Variants in HTR7 observed in about 807,000 individuals in gnomAD.
HTR7 encodes the protein 5-HT-7.
Under a neutral mutation model 34.0 loss-of-function variants are expected in HTR7, and 16 were observed. The observed-to-expected ratio is 0.47, with a 90% CI of 0.32 to 0.71. The LOEUF (loss-of-function observed/expected upper bound fraction) is 0.71, where lower values mean the gene tolerates loss of function less well. HTR7 is among the 30% of genes least tolerant of loss of function. HTR7 has a pLI of 0.04. For missense variants in HTR7, 504 were observed against 625.5 expected (o/e 0.81, Z 2.07); for synonymous variants, 265 against 260.2 (o/e 1.02, Z -0.18).
At chr10:90,770,727 G>A (rs1170599196) in intron 1 of HTR7, among the ~76,000 whole-genome samples, 1 of 152,228 alleles carries the variant, frequency 6.6e-6, no homozygotes, top group African/African-American at 2.4e-5. Flanking sequence ...GGGTGCTGAG[G>A]GCAGCTCGGC....
chr10:90,845,936 C>T lies in HTR7; in HGVS notation c.539+11197G>A, dbSNP rs189057486. ...ATGCCACCCAAGATTCTGTGGCTGACCAGCACTTCAGACACATTGTTCTCT... is the reference window on the plus strand; with the variant it reads ...ATGCCACCCAAGATTCTGTGGCTGATCAGCACTTCAGACACATTGTTCTCT... On this transcript the variant is annotated intron_variant, in intron 1 of 3. Transcript: ENST00000336152. Among the ~76,000 whole-genome samples the T allele has an allele frequency of 1.6e-3, 250 of 152,254 alleles. 3 individuals carry two copies. In the South Asian group the frequency reaches 0.017, roughly 11 times the overall value.
intron 1 of HTR7, among the ~76,000 whole-genome samples, chr10:90,793,097 C>G (rs115621959): frequency 0.016 from 2,395 of 152,162 alleles, 77 homozygotes; most frequent in African/African-American, 0.054. Flanking sequence ...AGAAAACAAT[C>G]AAGAGGGTGC....
At chr10:90,750,067 T>C (rs1312452380) in intron 1 of HTR7, among the ~76,000 whole-genome samples, 3 of 152,236 alleles carry the variant, frequency 2.0e-5, no homozygotes, top group African/African-American at 7.2e-5. Context: ...TCATTTTAGC[T>C]TTCCCTTTGC....
intron 1 of HTR7, among the ~76,000 whole-genome samples, chr10:90,776,791 T>C (rs1845219722): frequency 6.6e-6 from 1 of 152,228 alleles, no homozygotes; most frequent in Non-Finnish European, 1.5e-5. Context: ...CTTAGATAAG[T>C]ATGGTATACA....
chr10:90,784,364 G>A (rs1845351316), intron 1 of HTR7, among the ~76,000 whole-genome samples: 1 of 152,116 alleles, frequency 6.6e-6, no homozygotes, highest in Non-Finnish European at 1.5e-5. Flanking sequence ...TCTTAGGCAA[G>A]CATCCCAGAG....
At chr10:90,803,721 A>ACTAC (rs1243805594) in intron 1 of HTR7, among the ~76,000 whole-genome samples, 1 of 152,174 alleles carries the variant, frequency 6.6e-6, no homozygotes, top group Non-Finnish European at 1.5e-5. Context: ...GTCATGTCTG[A>ACTAC]CTACCTACCT....
chr10:90,799,463 G>C (rs1197243080), intron 1 of HTR7, among the ~76,000 whole-genome samples: 1 of 152,076 alleles, frequency 6.6e-6, no homozygotes, highest in Non-Finnish European at 1.5e-5. Context: ...GCTGGGTGTC[G>C]GTATCTGTCT....
chr10:90,792,897 A>G (rs1036270399), intron 1 of HTR7, among the ~76,000 whole-genome samples: 15 of 148,596 alleles, frequency 1.0e-4, no homozygotes, highest in Admixed American at 2.0e-4. Flanking sequence ...AAAATTAACG[A>G]CAAAAAAAAT....
intron 1 of HTR7, among the ~76,000 whole-genome samples, chr10:90,854,016 G>C (rs1313997062): frequency 6.6e-6 from 1 of 152,208 alleles, no homozygotes; most frequent in Admixed American, 6.5e-5. Context: ...GGCCAAAGAA[G>C]GGTTTTAAAA....
intron 1 of HTR7, among the ~76,000 whole-genome samples, chr10:90,762,605 G>C (rs1393122242): frequency 6.6e-6 from 1 of 152,102 alleles, no homozygotes; most frequent in African/African-American, 2.4e-5. Context: ...GTTGTTAACT[G>C]TTTCCTTTTA....
chr10:90,745,171 C>A (rs1392935642), intron 2 of HTR7, among the ~76,000 whole-genome samples: 2 of 152,194 alleles, frequency 1.3e-5, no homozygotes, highest in Non-Finnish European at 2.9e-5. Flanking sequence ...ATAACAAAAT[C>A]CCATAAATTG....
In HTR7 at chr10:90,857,415, G is replaced by A; in HGVS notation, c.257C>T (p.Ser86Phe). 1.2e-6 allele frequency: 2 copies of A among 1,614,078 alleles called. No homozygotes were observed. The highest frequency in any genetic ancestry group is 1.1e-5 in the South Asian group (1 of 91,074). ...YGRVEKVVIG[S>F]ILTLITLLTI... ...CAGCAGCGTGATGAGCGTCAGGATG[G>A]AGCCGATCACAACTTTCTCGACTCT... is the stretch of plus-strand genomic sequence containing the variant. Residue 86 changes from serine to phenylalanine, a missense_variant, in exon 1 of 4, where the codon TCC (serine) becomes TTC (phenylalanine). Coordinates refer to ENST00000336152, the MANE Select transcript of HTR7 (RefSeq NM_019859.4). The surrounding 1 kb of genome is among the most constrained non-coding windows in gnomAD (Gnocchi z 6.5).
intron 1 of HTR7, among the ~76,000 whole-genome samples, chr10:90,854,679 T>C (rs1846552910): frequency 6.6e-6 from 1 of 152,194 alleles, no homozygotes; most frequent in South Asian, 2.1e-4. Flanking sequence ...AAAAACAGTA[T>C]GGCATTACAT....
intron 1 of HTR7, among the ~76,000 whole-genome samples, chr10:90,767,240 G>C (rs1195190942): frequency 6.6e-6 from 1 of 152,220 alleles, no homozygotes; most frequent in Non-Finnish European, 1.5e-5. Flanking sequence ...GAGCTCCCTG[G>C]TTAGGTGGGG....
chr10:90,771,612 A>G (rs1448057757), intron 1 of HTR7, among the ~76,000 whole-genome samples: 1 of 152,194 alleles, frequency 6.6e-6, no homozygotes, highest in Non-Finnish European at 1.5e-5. Flanking sequence ...CCTCCCAGAG[A>G]GCTGACGCCC....
At chr10:90,813,521 CAA>C (rs55804411) in intron 1 of HTR7, among the ~76,000 whole-genome samples, 15 of 131,350 alleles carry the variant, frequency 1.1e-4, no homozygotes, top group Non-Finnish European at 8.3e-5. Context: ...GACTCCGTGT[CAA>C]AAAAAAAAAA....
intron 1 of HTR7, among the ~76,000 whole-genome samples, chr10:90,779,771 C>A (rs1845276141): frequency 6.6e-6 from 1 of 152,160 alleles, no homozygotes; most frequent in African/African-American, 2.4e-5. Flanking sequence ...CACAAGGAGG[C>A]AGGGAAGTGC....
intron 1 of HTR7, among the ~76,000 whole-genome samples, chr10:90,855,816 G>C (rs893122209): frequency 2.6e-5 from 4 of 152,120 alleles, no homozygotes; most frequent in Admixed American, 6.5e-5. Context: ...ATATAAAATG[G>C]TAGAATCAAT....
chr10:90,745,897 T>A (rs1844626099), intron 2 of HTR7, among the ~76,000 whole-genome samples: 1 of 152,204 alleles, frequency 6.6e-6, no homozygotes, highest in African/African-American at 2.4e-5. Flanking sequence ...CCTTCACAGT[T>A]AAAGTTTGCT....
Sources: gnomAD v4.1 joint callset for allele counts (sites outside exome capture counted in the v4.1 genomes callset) on GRCh38, gnomAD v4.1.1 for gene constraint, Gnocchi (gnomAD v3.1) non-coding constraint, MANE v1.5 for transcripts, NCBI Gene and HGNC (gene_info 2026-07-23, HGNC 2026-07-21) for gene names.